Variants in GXYLT1 observed in about 807,000 individuals in gnomAD.
GXYLT1 encodes glycosyltransferase 8 domain containing 3.
A neutral mutation model predicts 54.0 loss-of-function variants in GXYLT1; 29 were observed. The observed-to-expected ratio is 0.54, with a 90% CI of 0.40 to 0.73. GXYLT1 has a LOEUF of 0.73. Ranked by LOEUF, GXYLT1 falls within the 30% of genes least tolerant of loss-of-function variation. GXYLT1 has a pLI of 0.00. For synonymous variants in GXYLT1, 176 were observed against 204.1 expected, an observed-to-expected ratio of 0.86 and a Z score of 1.17; for missense variants, 490 against 553.4, an observed-to-expected ratio of 0.89 and a Z score of 1.15.
At chr12:42,137,349 A>C (rs2065625360) in intron 1 of GXYLT1, among the ~76,000 whole-genome samples, 1 of 151,882 alleles carries the variant, frequency 6.6e-6, no homozygotes, top group Admixed American at 6.6e-5. Context: ...TCTACTAAAA[A>C]CACAAAAAAT....
chr12:42,110,877 T>C (rs11181328), intron 3 of GXYLT1, among the ~76,000 whole-genome samples: 1 of 152,066 alleles, frequency 6.6e-6, no homozygotes, highest in African/African-American at 2.4e-5. Flanking sequence ...CCATAAAATA[T>C]TTGATATTCT....
rs2065386491 is a variant in GXYLT1, at chr12:42,100,958, T to C, written c.865-2925A>G. Among the ~76,000 whole-genome samples, 9 of 151,762 alleles carry C rather than the reference T, an allele frequency of 5.9e-5. 1 individual carries two copies. The highest frequency in any genetic ancestry group is 5.2e-4 in the Admixed American group (8 of 15,242). ...AATCAAATATATATATTTGAATATA[T>C]ATCTTACAAGAAATGTACCTATTCA... is the stretch of plus-strand genomic sequence containing the variant. On this transcript the variant is annotated intron_variant, in intron 5 of 7. Coordinates refer to ENST00000398675, the MANE Select transcript of GXYLT1 (RefSeq NM_173601.2).
rs954182814 is a variant in GXYLT1, at chr12:42,144,462, ACGCCGGCGCCTCTCACGG to A, written c.167_184del (p.Ala56_Gly61del). ...GCCGGGATGCGCTGCGGGGCCCGCG[ACGCCGGCGCCTCTCACGG>A]CGCCGCGTCCGCCGCCCGCGAGCCA... is the stretch of plus-strand genomic sequence containing the variant. On this transcript the variant is annotated inframe_deletion, in exon 1 of 8. Transcript: ENST00000398675. The A allele has an allele frequency of 4.5e-6, 5 of 1,099,078 alleles. No individual in the cohort carries two copies. The South Asian group carries it at 1.1e-4, about 25-fold the overall frequency. 68.1% of individuals were successfully genotyped at this position (1,099,078 alleles called of 1,614,324 possible).
In GXYLT1 at chr12:42,144,690, C is replaced by CGCG. The variant is rs776823816; in HGVS notation, c.-45_-44insCGC. On this transcript the variant is annotated 5_prime_UTR_variant, in exon 1 of 8. Coordinates refer to ENST00000398675, the MANE Select transcript of GXYLT1 (RefSeq NM_173601.2). ...CCTTCGCCGCCGCCGCCGCGCCCGC[C>CGCG]CCGACGAACTGGAGCGGAGGGAGGG... 15 of 1,363,984 alleles carry CGCG rather than the reference C, an allele frequency of 1.1e-5. No homozygotes were observed. Among genetic ancestry groups the CGCG allele is most frequent in the Admixed American group, 2.8e-5 (1 of 35,644 alleles). 84.5% of individuals were successfully genotyped at this position (1,363,984 alleles called of 1,614,324 possible).
intron 5 of GXYLT1, among the ~76,000 whole-genome samples, chr12:42,103,224 C>T (rs2065400136): frequency 6.6e-6 from 1 of 152,144 alleles, no homozygotes; most frequent in Non-Finnish European, 1.5e-5. Context: ...CTCCCAAAGT[C>T]TTGGAATTAC....
intron 7 of GXYLT1, among the ~76,000 whole-genome samples, chr12:42,089,205 G>C (rs1383335750): frequency 2.0e-5 from 3 of 151,960 alleles, no homozygotes; most frequent in Non-Finnish European, 2.9e-5. Context: ...AGCACACAGA[G>C]TGCTTGCTAC....
At position 42,087,769 on chromosome 12, in the gene GXYLT1, T is replaced by C. The variant is rs186249866; in HGVS notation, c.*17A>G. 2 of 1,552,256 alleles carry C rather than the reference T, an allele frequency of 1.3e-6. No homozygotes were observed. The highest frequency in any genetic ancestry group is 2.3e-5 in the East Asian group (1 of 43,734). Reference sequence around the variant, plus strand: ...GATTCTTTGTTTTCATCCATTTGATTAAGCAGTCACCAAGAATCACTTTTC... The same window carrying C: ...GATTCTTTGTTTTCATCCATTTGATCAAGCAGTCACCAAGAATCACTTTTC... On this transcript the variant is annotated 3_prime_UTR_variant, in exon 8 of 8. Transcript: ENST00000398675.
At chr12:42,125,936 A>G (rs1032504883) in intron 2 of GXYLT1, among the ~76,000 whole-genome samples, 1 of 152,112 alleles carries the variant, frequency 6.6e-6, no homozygotes, top group Non-Finnish European at 1.5e-5. Flanking sequence ...CTCAGGCAGG[A>G]GGATCACTTG....
intron 3 of GXYLT1, among the ~76,000 whole-genome samples, chr12:42,117,837 T>G (rs2065506428): frequency 6.6e-6 from 1 of 152,214 alleles, no homozygotes; most frequent in Non-Finnish European, 1.5e-5. Flanking sequence ...TATTCCACTG[T>G]AACAGCTAGG....
intron 7 of GXYLT1, among the ~76,000 whole-genome samples, chr12:42,097,169 TA>T (rs535399351): frequency 5.8e-4 from 85 of 146,492 alleles, no homozygotes; most frequent in Middle Eastern, 3.6e-3. Context: ...ATTCTTAGTT[TA>T]AAAAAAAAAA....
intron 4 of GXYLT1, 46 bp downstream of exon 4, chr12:42,109,520 A>AT (rs751599245): frequency 1.3e-5 from 17 of 1,337,748 alleles, no homozygotes; most frequent in South Asian, 1.9e-5. Flanking sequence ...TAAGGTTCAA[A>AT]TTTAAAAAAA....
intron 1 of GXYLT1, among the ~76,000 whole-genome samples, chr12:42,130,488 G>A (rs1265758374): frequency 6.6e-6 from 1 of 152,028 alleles, no homozygotes. Context: ...GCAAAGGTAT[G>A]AAGAGAAAAG....
Position 42,086,286 on chromosome 12 carries a change from C to T in GXYLT1, c.*1500G>A, listed in dbSNP as rs2065292769. On this transcript the variant is annotated 3_prime_UTR_variant, in exon 8 of 8. Coordinates refer to ENST00000398675, the MANE Select transcript of GXYLT1 (RefSeq NM_173601.2). ...GGACTGGTTATCAACTTCTAATGCA[C>T]CCTGCTTAAACTTTCCTCTCTCAAT... 6.6e-6 allele frequency: 1 copy of T among 152,264 alleles called. No individual in the cohort carries two copies. Among genetic ancestry groups the T allele is most frequent in the South Asian group, 2.1e-4 (1 of 4,830 alleles). The allele number at this position is 152,264 out of a possible 1,614,324, so 9.4% of individuals were successfully genotyped here. A position where few individuals can be genotyped will look rare whatever the true frequency, so the allele number is the denominator to read the frequency against.
intron 7 of GXYLT1, among the ~76,000 whole-genome samples, chr12:42,088,187 A>G (rs188766665): frequency 1.4e-4 from 21 of 152,252 alleles, no homozygotes; most frequent in Admixed American, 9.8e-4. Flanking sequence ...GCAAGGGCAG[A>G]GAAGACTGAA....
chr12:42,131,588 G>A (rs930956628), intron 1 of GXYLT1, among the ~76,000 whole-genome samples: 7 of 152,060 alleles, frequency 4.6e-5, no homozygotes, highest in African/African-American at 1.2e-4. Context: ...TCCTCTAAAG[G>A]GACACCACAT....
chr12:42,107,882 A>C (rs1379396236), intron 4 of GXYLT1, among the ~76,000 whole-genome samples: 1 of 152,222 alleles, frequency 6.6e-6, no homozygotes, highest in African/African-American at 2.4e-5. Context: ...GCTGGGAGCC[A>C]CTACCAGCTG....
At chr12:42,135,786 T>A (rs940042217) in intron 1 of GXYLT1, among the ~76,000 whole-genome samples, 1 of 152,172 alleles carries the variant, frequency 6.6e-6, no homozygotes, top group Non-Finnish European at 1.5e-5. Flanking sequence ...TGCTCATGAC[T>A]GGGGGACTGA....
chr12:42,106,906 C>T (rs1249855812), intron 4 of GXYLT1, among the ~76,000 whole-genome samples: 6 of 151,846 alleles, frequency 4.0e-5, no homozygotes, highest in African/African-American at 1.2e-4. Context: ...TCACCACACC[C>T]GGCTAATTTT....
At chr12:42,093,653 C>T (rs2065340556) in intron 7 of GXYLT1, among the ~76,000 whole-genome samples, 1 of 152,086 alleles carries the variant, frequency 6.6e-6, no homozygotes, top group Admixed American at 6.5e-5. Flanking sequence ...TATCTGAAAT[C>T]TTCTGGTTAA....
Sources: allele counts gnomAD v4.1 joint callset (sites outside exome capture counted in the v4.1 genomes callset), GRCh38; gene constraint gnomAD v4.1.1; transcripts MANE v1.5; gene names NCBI Gene and HGNC (gene_info 2026-07-23, HGNC 2026-07-21).